USP48: variants seen among roughly 807,000 people sequenced by gnomAD.
The protein encoded by USP48 is ubiquitin specific peptidase 48, also known as ubiquitin carboxyl-terminal hydrolase 48.
In USP48, 43 loss-of-function variants were observed where a neutral mutation model predicts 150.7. That is an observed-to-expected ratio of 0.29 (90% CI 0.22 to 0.37). The LOEUF (loss-of-function observed/expected upper bound fraction) is 0.37. Ranked by LOEUF, USP48 falls within the 10% of genes least tolerant of loss-of-function variation. The probability of loss-of-function intolerance (pLI) is 1.00; values close to 1 mark genes in which losing one functional copy is unlikely to be tolerated. For synonymous variants in USP48, 396 were observed against 425.9 expected (o/e 0.93, Z 0.86); for missense variants, 813 against 1,249.6 (o/e 0.65, Z 5.27).
chr1:21,719,722 C>A (rs2097714634), intron 14 of USP48, among the ~76,000 whole-genome samples: 1 of 152,036 alleles, frequency 6.6e-6, no homozygotes. Flanking sequence ...ACAAAATTAG[C>A]TGGGCGTGGT....
intron 20 of USP48, 22 bp from the exon 21 acceptor site, chr1:21,703,640 G>A (rs752493976): frequency 1.3e-6 from 2 of 1,527,484 alleles, no homozygotes; most frequent in Non-Finnish European, 1.8e-6. Context: ...AAAAAAAAAG[G>A]GAAAACAGAA....
At position 21,751,815 on chromosome 1, in the gene USP48, C is replaced by T. The variant is rs142474636; in HGVS notation, c.666-200G>A. On this transcript the variant is annotated intron_variant, in intron 5 of 26. Coordinates refer to ENST00000308271, the MANE Select transcript of USP48 (RefSeq NM_032236.8). Reference sequence around the variant, plus strand: ...CGAGTGGATCACAAGGTCAGGAATTCGAGACCAGCCTGACCAACACGGTGA... The same window carrying T: ...CGAGTGGATCACAAGGTCAGGAATTTGAGACCAGCCTGACCAACACGGTGA... 2.7e-3 allele frequency among the ~76,000 whole-genome samples: 409 copies of T among 152,054 alleles called. 1 individual carries two copies. The highest frequency in any genetic ancestry group is 9.5e-3 in the African/African-American group (396 of 41,500).
At chr1:21,693,940 A>G (rs2097612698) in intron 23 of USP48, among the ~76,000 whole-genome samples, 1 of 152,234 alleles carries the variant, frequency 6.6e-6, no homozygotes, top group Non-Finnish European at 1.5e-5. Context: ...TGTAACCAGT[A>G]AACTATGCCA....
At chr1:21,777,851 G>C (rs2097903553) in intron 1 of USP48, among the ~76,000 whole-genome samples, 3 of 151,942 alleles carry the variant, frequency 2.0e-5, no homozygotes, top group Admixed American at 2.0e-4. Context: ...AACTTGGCTG[G>C]ATGCAGTGGC....
chr1:21,753,264 G>C, intron 3 of USP48, 145 bp from the exon 4 acceptor site: 2 of 932,642 alleles, frequency 2.1e-6, no homozygotes, highest in African/African-American at 1.7e-5. Flanking sequence ...AACTTTAAAA[G>C]AAATAGGCTG....
rs1031900567 is a variant in USP48 at position 21,761,988 on chromosome 1, G to C, written c.135-4205C>G. Among the ~76,000 whole-genome samples the C allele has an allele frequency of 3.0e-5, 4 of 132,606 alleles. No homozygotes were observed. The Admixed American group carries it at 3.4e-4, about 11-fold the overall frequency. The allele number at this position is 132,606 out of a possible 152,430, so 87.0% of individuals were successfully genotyped here. A position where few individuals can be genotyped will look rare whatever the true frequency, so the allele number is the denominator to read the frequency against. On this transcript the variant is annotated intron_variant, in intron 1 of 26. Coordinates refer to ENST00000308271, the MANE Select transcript of USP48 (RefSeq NM_032236.8). ...GAGAGTTAAAGAAACAAAACTGGCC[G>C]GGTGCAGTGGCTCCTGCCTGTAATC... is the stretch of plus-strand genomic sequence containing the variant.
intron 6 of USP48, 70 bp from the exon 7 acceptor site, chr1:21,748,341 G>A (rs2097800589): frequency 4.3e-6 from 6 of 1,398,160 alleles, no homozygotes; most frequent in Non-Finnish European, 5.8e-6. Flanking sequence ...AACCCTTGAT[G>A]TAAAGTATAA....
chr1:21,751,425 A>G (rs912656307), intron 6 of USP48, 82 bp downstream of exon 6: 39 of 1,056,510 alleles, frequency 3.7e-5, no homozygotes, highest in Non-Finnish European at 5.5e-5. Context: ...AGCTCTAGCC[A>G]CTAAATCAAA....
intron 24 of USP48, among the ~76,000 whole-genome samples, chr1:21,688,118 G>A (rs77686760): frequency 0.018 from 2,800 of 152,248 alleles, 35 homozygotes; most frequent in Middle Eastern, 0.045. Flanking sequence ...CGGCACAGTA[G>A]GGATTCTTTT....
chr1:21,745,565 C>T (rs2097792615), intron 8 of USP48, among the ~76,000 whole-genome samples: 1 of 152,014 alleles, frequency 6.6e-6, no homozygotes, highest in African/African-American at 2.4e-5. Flanking sequence ...GTCTCAAAAA[C>T]AAATTAATAA....
At chr1:21,698,465 G>A (rs1055514695) in intron 22 of USP48, among the ~76,000 whole-genome samples, 1 of 152,008 alleles carries the variant, frequency 6.6e-6, no homozygotes, top group Non-Finnish European at 1.5e-5. Flanking sequence ...AATTGCTGTG[G>A]TCATGACCAC....
At chr1:21,739,351 T>C (rs1374765384) in intron 8 of USP48, among the ~76,000 whole-genome samples, 1 of 151,754 alleles carries the variant, frequency 6.6e-6, no homozygotes, top group African/African-American at 2.4e-5. Flanking sequence ...AAACCCCCTC[T>C]CTACTAAAAA....
At chr1:21,717,884 C>T (rs991114466) in intron 14 of USP48, among the ~76,000 whole-genome samples, 9 of 151,772 alleles carry the variant, frequency 5.9e-5, no homozygotes, top group African/African-American at 1.9e-4. Context: ...TGGAGTGAGC[C>T]GAGATCACAC....
chr1:21,691,045 T>G (rs540181332), intron 23 of USP48, among the ~76,000 whole-genome samples: 1 of 152,258 alleles, frequency 6.6e-6, no homozygotes, highest in South Asian at 2.1e-4. Flanking sequence ...CCGGGTGCAG[T>G]GGCTCTCGCC....
chr1:21,772,890 C>A (rs2097885620), intron 1 of USP48, among the ~76,000 whole-genome samples: 1 of 150,894 alleles, frequency 6.6e-6, no homozygotes, highest in Non-Finnish European at 1.5e-5. Context: ...CCACAGCACT[C>A]CAGCCTGGGA....
chr1:21,759,376 G>T (rs2097844862), intron 1 of USP48, among the ~76,000 whole-genome samples: 1 of 152,036 alleles, frequency 6.6e-6, no homozygotes, highest in Non-Finnish European at 1.5e-5. Flanking sequence ...GTACCCTCTG[G>T]CTAAAGACAA....
Position 21,679,124 on chromosome 1 carries a change from C to A in USP48, c.*293G>T. 2.0e-6 allele frequency: 1 copy of A among 490,986 alleles called. No homozygotes were observed. Among genetic ancestry groups the A allele is most frequent in the Non-Finnish European group, 3.7e-6 (1 of 272,070 alleles). The allele number at this position is 490,986 out of a possible 1,614,324, so 30.4% of individuals were successfully genotyped here. A position where few individuals can be genotyped will look rare whatever the true frequency, so the allele number is the denominator to read the frequency against. ...CACGACTATAAATCTCATATGTAAACATGATTTACTATTACTGCTACTAAA... is the reference window on the plus strand; with the variant it reads ...CACGACTATAAATCTCATATGTAAAAATGATTTACTATTACTGCTACTAAA... On this transcript the variant is annotated 3_prime_UTR_variant, in exon 27 of 27. Coordinates refer to ENST00000308271, the MANE Select transcript of USP48 (RefSeq NM_032236.8).
At chr1:21,720,886 G>A (rs2097718707) in intron 14 of USP48, 150 bp downstream of exon 14, 1 of 1,012,704 alleles carries the variant, frequency 9.9e-7, no homozygotes, top group African/African-American at 1.6e-5. Context: ...CTGGAGTGCA[G>A]TGGGGCTGGC....
intron 22 of USP48, among the ~76,000 whole-genome samples, chr1:21,698,295 T>C (rs966532939): frequency 6.6e-6 from 1 of 152,122 alleles, no homozygotes; most frequent in African/African-American, 2.4e-5. Context: ...AGTATTACAA[T>C]ATCCAAAGAA....
Sources: gnomAD v4.1 joint callset for allele counts (sites outside exome capture counted in the v4.1 genomes callset) on GRCh38, gnomAD v4.1.1 for gene constraint, MANE v1.5 for transcripts, NCBI Gene and HGNC (gene_info 2026-07-23, HGNC 2026-07-21) for gene names.